Variants in INTS10 observed in about 807,000 individuals in gnomAD.
INTS10 encodes the protein integrator complex subunit 10.
Under a neutral mutation model 94.4 loss-of-function variants are expected in INTS10, and 44 were observed. That is an observed-to-expected ratio of 0.47 (90% CI 0.37 to 0.60). The LOEUF (loss-of-function observed/expected upper bound fraction) is 0.60. INTS10 is among the 20% of genes least tolerant of loss of function. The probability of loss-of-function intolerance (pLI) is 0.00; values close to 1 mark genes in which losing one functional copy is unlikely to be tolerated. For synonymous variants in INTS10, 341 were observed against 320.7 expected (o/e 1.06, Z -0.68); for missense variants, 797 against 868.7 (o/e 0.92, Z 1.04).
Position 19,851,912 on chromosome 8 carries a change from A to G in INTS10, c.*107A>G. 1 of 969,060 alleles carries G rather than the reference A, an allele frequency of 1.0e-6. No individual in the cohort carries two copies. Among genetic ancestry groups the G allele is most frequent in the Non-Finnish European group, 1.5e-6 (1 of 652,196 alleles). The allele number at this position is 969,060 out of a possible 1,614,324, so 60.0% of individuals were successfully genotyped here. ...GCCGTGGTCATTGTTGCTGTTACAAAGAAGAAAACCATCTGAGTTCTAACT... is the reference window on the plus strand; with the variant it reads ...GCCGTGGTCATTGTTGCTGTTACAAGGAAGAAAACCATCTGAGTTCTAACT... On this transcript the variant is annotated 3_prime_UTR_variant, in exon 17 of 17. Transcript: ENST00000397977. The surrounding 1 kb of genome is among the most constrained non-coding windows in gnomAD (Gnocchi z 5.0).
At chr8:19,825,709 G>A (rs1659016835) in intron 8 of INTS10, among the ~76,000 whole-genome samples, 1 of 152,082 alleles carries the variant, frequency 6.6e-6, no homozygotes, top group African/African-American at 2.4e-5. Flanking sequence ...AATCCTTCCA[G>A]TATAATACAG....
At position 19,824,053 on chromosome 8, in the gene INTS10, T is replaced by C; in HGVS notation, c.836+9T>C. The stretch of plus-strand genomic sequence containing the variant: ...ATGGATAAAGGAAGACGGTAATAAA[T>C]AGCTTATTTCCAGAATTGCCTATTG... On this transcript the variant is annotated intron_variant, in intron 7 of 16. Transcript: ENST00000397977. The C allele has an allele frequency of 6.3e-7, 1 of 1,575,628 alleles. No homozygotes were observed. Among genetic ancestry groups the C allele is most frequent in the Non-Finnish European group, 8.6e-7 (1 of 1,160,850 alleles).
chr8:19,836,344 A>G (rs2067661801), intron 12 of INTS10, among the ~76,000 whole-genome samples: 1 of 152,046 alleles, frequency 6.6e-6, no homozygotes, highest in South Asian at 2.1e-4. Context: ...GAGTAGATAG[A>G]GAGGGAGCGG....
chr8:19,841,671 G>A (rs576972995), intron 13 of INTS10, among the ~76,000 whole-genome samples: 2 of 152,086 alleles, frequency 1.3e-5, no homozygotes, highest in African/African-American at 2.4e-5. Flanking sequence ...ACAGTGCCAC[G>A]TGCTTCTGGA....
At position 19,842,872 on chromosome 8, in the gene INTS10, G is replaced by A; in HGVS notation, c.1664G>A (p.Cys555Tyr). 1 of 1,612,964 alleles carries A rather than the reference G, an allele frequency of 6.2e-7. No homozygotes were observed. Among genetic ancestry groups the A allele is most frequent in the East Asian group, 2.2e-5 (1 of 44,854 alleles). ...GGTTCGGATCTGAAGCTCCTGCCTT[G>A]TACCAGCAAGGCTATCATGCCATAC... ...RKGSDLKLLP[C>Y]TSKAIMPYCL... The change falls in exon 14 of 17, where the codon TGT becomes TAT. Residue 555 changes from cysteine (C) to tyrosine (Y), a missense_variant. Coordinates refer to ENST00000397977, the MANE Select transcript of INTS10 (RefSeq NM_018142.4).
At position 19,849,442 on chromosome 8, in the gene INTS10, C is replaced by T. The variant is rs2068842440; in HGVS notation, c.1977-2207C>T. The stretch of plus-strand genomic sequence containing the variant: ...CATAAGTTGCCAGTGTGTTTGTGTT[C>T]GATTTAAAAATCATTATGGATCTGG... On this transcript the variant is annotated intron_variant, in intron 16 of 16. Coordinates refer to ENST00000397977, the MANE Select transcript of INTS10 (RefSeq NM_018142.4). The surrounding 1 kb of genome is among the most constrained non-coding windows in gnomAD (Gnocchi z 4.6). Among the ~76,000 whole-genome samples the T allele has an allele frequency of 2.0e-5, 3 of 151,900 alleles. No individual in the cohort carries two copies. Among genetic ancestry groups the T allele is most frequent in the African/African-American group, 4.8e-5 (2 of 41,438 alleles).
rs1173072713 is a variant in INTS10, at chr8:19,849,940, G to A, written c.1977-1709G>A. On this transcript the variant is annotated intron_variant, in intron 16 of 16. Coordinates refer to ENST00000397977, the MANE Select transcript of INTS10 (RefSeq NM_018142.4). The surrounding 1 kb of genome is among the most constrained non-coding windows in gnomAD (Gnocchi z 4.6). The stretch of plus-strand genomic sequence containing the variant: ...CCTGATCTGCAGGATGTAGCATTTA[G>A]TTATATTTTTAGTGGTATTAAAAGC... Among the ~76,000 whole-genome samples the A allele has an allele frequency of 6.6e-6, 1 of 152,016 alleles. No homozygotes were observed. The highest frequency in any genetic ancestry group is 1.5e-5 in the Non-Finnish European group (1 of 67,996).
At position 19,824,732 on chromosome 8, in the gene INTS10, A is replaced by G. The variant is rs190713304; in HGVS notation, c.837-71A>G. 105 of 1,045,854 alleles carry G rather than the reference A, an allele frequency of 1.0e-4. No individual in the cohort carries two copies. The East Asian group carries it at 2.6e-3, about 26-fold the overall frequency. The allele number at this position is 1,045,854 out of a possible 1,614,324, so 64.8% of individuals were successfully genotyped here. Reference sequence around the variant, plus strand: ...TTGGTACATGTAATGGTACCACCAGAGCTTTTCTCTAGACTTCTTGCTGAC... The same window carrying G: ...TTGGTACATGTAATGGTACCACCAGGGCTTTTCTCTAGACTTCTTGCTGAC... On this transcript the variant is annotated intron_variant, in intron 7 of 16. Transcript: ENST00000397977.
intron 8 of INTS10, among the ~76,000 whole-genome samples, chr8:19,825,658 T>C (rs887209550): frequency 1.3e-5 from 2 of 152,198 alleles, no homozygotes; most frequent in Non-Finnish European, 2.9e-5. Flanking sequence ...AAATATACTG[T>C]AGAAAATTTG....
At position 19,824,908 on chromosome 8, in the gene INTS10, C is replaced by T; in HGVS notation, c.942C>T (p.Thr314=). The change falls in exon 8 of 17, where the codon ACC becomes ACT. Residue 314 remains threonine (T), a synonymous_variant. Transcript: ENST00000397977. ...ATAAAAACCAAGTGGTGTATTCCAC[C>T]ATGCTGGTCTTCTTTAAGAATGCAT... ...AKYKNQVVYS[T]MLVFFKNAFQ... is the part of the protein sequence containing the mutation. The T allele has an allele frequency of 6.2e-7, 1 of 1,613,536 alleles. No individual in the cohort carries two copies.
At chr8:19,822,898 C>T (rs572115523) in intron 5 of INTS10, among the ~76,000 whole-genome samples, 9 of 150,904 alleles carry the variant, frequency 6.0e-5, no homozygotes, top group South Asian at 4.2e-4. Flanking sequence ...TGCAGTAAGC[C>T]GAGATCGCGC....
At chr8:19,819,795 A>C (rs1333474243) in intron 3 of INTS10, 119 bp downstream of exon 3, 2 of 692,946 alleles carry the variant, frequency 2.9e-6, no homozygotes, top group East Asian at 2.8e-5. Context: ...TATTCTTGGC[A>C]ACCAAAGTCT....
At position 19,851,546 on chromosome 8, in the gene INTS10, A is replaced by T; in HGVS notation, c.1977-103A>T. ...TGTTCTTTTTAAAATATCTGAAATT[A>T]TACTTAGATATGGGGCAGGCTTTAT... On this transcript the variant is annotated intron_variant, in intron 16 of 16. Transcript: ENST00000397977. This position sits in a 1 kb window ranked among gnomAD's most constrained non-coding sequence, Gnocchi z 5.0. The T allele has an allele frequency of 2.0e-6, 2 of 990,010 alleles. No homozygotes were observed. The highest frequency in any genetic ancestry group is 1.5e-5 in the South Asian group (1 of 66,704). The allele number at this position is 990,010 out of a possible 1,614,324, so 61.3% of individuals were successfully genotyped here.
intron 9 of INTS10, among the ~76,000 whole-genome samples, chr8:19,829,887 C>CA (rs1203904026): frequency 6.6e-6 from 1 of 152,156 alleles, no homozygotes; most frequent in Non-Finnish European, 1.5e-5. Flanking sequence ...AGGCTGGTCT[C>CA]AAACTCCTGG....
intron 5 of INTS10, 78 bp downstream of exon 5, chr8:19,822,598 A>C: frequency 6.5e-5 from 57 of 877,116 alleles, no homozygotes; most frequent in Non-Finnish European, 9.0e-5. Flanking sequence ...GGATAAGCTC[A>C]TATATGAAAG....
intron 4 of INTS10, 31 bp downstream of exon 4, chr8:19,820,549 A>T: frequency 6.3e-7 from 1 of 1,587,392 alleles, no homozygotes. Context: ...TTCTTTTAAT[A>T]TAAAATACAA....
At chr8:19,845,509 T>C (rs538523202) in intron 15 of INTS10, 195 bp from the exon 16 acceptor site, 2 of 586,766 alleles carry the variant, frequency 3.4e-6, no homozygotes, top group East Asian at 5.7e-5. Flanking sequence ...GGTTCAAATA[T>C]GGAGTCTGCA....
In INTS10 at chr8:19,851,562, C is replaced by T; in HGVS notation, c.1977-87C>T. On this transcript the variant is annotated intron_variant, in intron 16 of 16. Coordinates refer to ENST00000397977, the MANE Select transcript of INTS10 (RefSeq NM_018142.4). The surrounding 1 kb of genome is among the most constrained non-coding windows in gnomAD (Gnocchi z 5.0). ...TCTGAAATTATACTTAGATATGGGG[C>T]AGGCTTTATTCCTACCCAAGTAGCA... The T allele has an allele frequency of 8.7e-7, 1 of 1,152,714 alleles. No homozygotes were observed. Among genetic ancestry groups the T allele is most frequent in the South Asian group, 1.3e-5 (1 of 75,998 alleles). The allele number at this position is 1,152,714 out of a possible 1,614,324, so 71.4% of individuals were successfully genotyped here.
intron 11 of INTS10, 138 bp downstream of exon 11, chr8:19,832,248 G>T: frequency 1.6e-6 from 1 of 618,576 alleles, no homozygotes; most frequent in Non-Finnish European, 2.9e-6. Flanking sequence ...TGTTTTCAGT[G>T]GCTGAGGGGG....
Sources: gnomAD v4.1 joint callset for allele counts (sites outside exome capture counted in the v4.1 genomes callset) on GRCh38, gnomAD v4.1.1 for gene constraint, Gnocchi (gnomAD v3.1) non-coding constraint, MANE v1.5 for transcripts, NCBI Gene and HGNC (gene_info 2026-07-23, HGNC 2026-07-21) for gene names.